The following FHAD1 variants were observed in gnomAD, a reference collection of about 807,000 sequenced individuals.
FHAD1 encodes the protein forkhead-associated domain-containing protein 1.
A neutral mutation model predicts 191.3 loss-of-function variants in FHAD1; 146 were observed. The ratio of observed to expected loss-of-function variants is 0.76; its 90% CI spans 0.67 to 0.88. FHAD1 has a LOEUF of 0.88. Among genes scored for constraint, FHAD1 ranks in the 40% least tolerant of loss-of-function variants. FHAD1 has a pLI of 0.00. For missense variants in FHAD1, 1,635 were observed against 1,785.8 expected, an observed-to-expected ratio of 0.92 and a Z score of 1.52; for synonymous variants, 616 against 672.3, an observed-to-expected ratio of 0.92 and a Z score of 1.29.
At chr1:15,291,108 T>C (rs1444648856) in intron 4 of FHAD1, among the ~76,000 whole-genome samples, 1 of 133,176 alleles carries the variant, frequency 7.5e-6, no homozygotes, top group East Asian at 2.1e-4. Context: ...TTTACTATAC[T>C]CTTTTTTTTT....
In FHAD1 at chr1:15,276,295, G is replaced by A. The variant is rs997036303; in HGVS notation, c.300+3766G>A. On this transcript the variant is annotated intron_variant, in intron 3 of 33. Coordinates refer to ENST00000688493, the MANE Select transcript of FHAD1 (RefSeq NM_001391957.1). The surrounding 1 kb of genome is among the most constrained non-coding windows in gnomAD (Gnocchi z 4.7). ...GATAGCAGGAAGGTAAGAGGAGCACGCTAGCAGCCACCTGCCTCCACTGTG... is the reference window on the plus strand; with the variant it reads ...GATAGCAGGAAGGTAAGAGGAGCACACTAGCAGCCACCTGCCTCCACTGTG... Among the ~76,000 whole-genome samples the A allele has an allele frequency of 6.6e-6, 1 of 152,194 alleles. No individual in the cohort carries two copies. The highest frequency in any genetic ancestry group is 1.9e-4 in the East Asian group (1 of 5,190).
intron 17 of FHAD1, 108 bp downstream of exon 17, chr1:15,345,298 G>A: frequency 7.5e-7 from 1 of 1,333,734 alleles, no homozygotes; most frequent in East Asian, 2.5e-5. Flanking sequence ...GGGCTGTGCT[G>A]TCCACAGTCC....
intron 1 of FHAD1, among the ~76,000 whole-genome samples, chr1:15,242,114 T>C (rs1645450310): frequency 6.6e-6 from 1 of 151,126 alleles, no homozygotes. Flanking sequence ...GTGGCTGTAG[T>C]CCCAGCTACT....
At chr1:15,345,604 G>A (rs1418796196) in intron 18 of FHAD1, 81 bp downstream of exon 18, 1 of 1,131,166 alleles carries the variant, frequency 8.8e-7, no homozygotes, top group African/African-American at 1.5e-5. Flanking sequence ...GGCGATGATG[G>A]GGGTGAGATC....
upstream of FHAD1, among the ~76,000 whole-genome samples, chr1:15,246,333 C>T (rs1426948504): frequency 6.6e-6 from 1 of 152,134 alleles, no homozygotes; most frequent in Non-Finnish European, 1.5e-5. Flanking sequence ...ACAGCCAAAC[C>T]GTATCACTAG....
chr1:15,347,837 A>C (rs1013529957), intron 18 of FHAD1, among the ~76,000 whole-genome samples: 1 of 152,244 alleles, frequency 6.6e-6, no homozygotes, highest in African/African-American at 2.4e-5. Context: ...TCTTGAGGTC[A>C]TGTTCAAAGT....
Position 15,381,469 on chromosome 1 carries a change from T to C in FHAD1, c.4022+18T>C, listed in dbSNP as rs924015001. On this transcript the variant is annotated intron_variant, in intron 30 of 33. Transcript: ENST00000688493. This position sits in a 1 kb window ranked among gnomAD's most constrained non-coding sequence, Gnocchi z 4.6. ...CAGCTCAGGTACCTCGGCACCCCCATGTCCCCACAGAAAGGCCCGGGCCTC... is the reference window on the plus strand; with the variant it reads ...CAGCTCAGGTACCTCGGCACCCCCACGTCCCCACAGAAAGGCCCGGGCCTC... 24 of 1,542,782 alleles carry C rather than the reference T, an allele frequency of 1.6e-5. No homozygotes were observed. Among genetic ancestry groups the C allele is most frequent in the Non-Finnish European group, 2.1e-5 (24 of 1,140,028 alleles).
At chr1:15,341,656 C>A (rs1686727231) in intron 15 of FHAD1, 80 bp from the exon 16 acceptor site, 6 of 1,256,428 alleles carry the variant, frequency 4.8e-6, no homozygotes, top group Non-Finnish European at 6.5e-6. Context: ...GAAAGGTAAA[C>A]AATTGGTAAA....
chr1:15,297,075 A>G (rs1667213100), intron 5 of FHAD1, among the ~76,000 whole-genome samples: 1 of 152,244 alleles, frequency 6.6e-6, no homozygotes, highest in Non-Finnish European at 1.5e-5. Context: ...TTAAATCACC[A>G]TCACTTAACA....
chr1:15,359,637 C>G (rs1694024160), intron 21 of FHAD1, among the ~76,000 whole-genome samples: 1 of 151,778 alleles, frequency 6.6e-6, no homozygotes, highest in Non-Finnish European at 1.5e-5. Context: ...CATCTGAGGT[C>G]AAGAGTTTGA....
In FHAD1 at chr1:15,374,603, T is replaced by A; in HGVS notation, c.3549T>A (p.Ile1183=). Residue 1183 remains isoleucine, a synonymous_variant, in exon 27 of 34, where the codon ATT becomes ATA. Transcript: ENST00000688493. ...KKALSELRAR[I]KELEKARSPD... is the part of the protein sequence containing the mutation. ...CCTTATCTGAACTTCGAGCGCGAAT[T>A]AAAGAACTCGAGAAGGCGCGCTCAC... The A allele has an allele frequency of 6.4e-7, 1 of 1,551,628 alleles. No homozygotes were observed. The highest frequency in any genetic ancestry group is 8.7e-7 in the Non-Finnish European group (1 of 1,146,978).
intron 3 of FHAD1, among the ~76,000 whole-genome samples, chr1:15,275,184 G>T (rs10927760): frequency 9.8e-4 from 149 of 152,110 alleles, no homozygotes; most frequent in African/African-American, 3.5e-3. Flanking sequence ...GGATGGTCTC[G>T]ATCTCCTGAC....
At chr1:15,320,478 G>A (rs1309721877) in intron 10 of FHAD1, among the ~76,000 whole-genome samples, 2 of 152,086 alleles carry the variant, frequency 1.3e-5, no homozygotes, top group Non-Finnish European at 2.9e-5. Flanking sequence ...TTGTGGATTT[G>A]TCTGTTTCTT....
At chr1:15,244,565 C>T (rs754832575), upstream of FHAD1, among the ~76,000 whole-genome samples, 5 of 152,032 alleles carry the variant, frequency 3.3e-5, no homozygotes, top group South Asian at 2.1e-4. This position sits in a 1 kb window ranked among gnomAD's most constrained non-coding sequence, Gnocchi z 5.1. Flanking sequence ...CTAGAGAAGC[C>T]GACATCCTGG....
At position 15,329,877 on chromosome 1, in the gene FHAD1, T is replaced by G. The variant is rs1373282053; in HGVS notation, c.1906+336T>G. 4 of 290,028 alleles carry G rather than the reference T, an allele frequency of 1.4e-5. No individual in the cohort carries two copies. Among genetic ancestry groups the G allele is most frequent in the African/African-American group, 8.5e-5 (4 of 46,926 alleles). 18.0% of individuals were successfully genotyped at this position (290,028 alleles called of 1,614,324 possible). A position where few individuals can be genotyped will look rare whatever the true frequency, so the allele number is the denominator to read the frequency against. On this transcript the variant is annotated intron_variant, in intron 14 of 33. Transcript: ENST00000688493. The surrounding 1 kb of genome is among the most constrained non-coding windows in gnomAD (Gnocchi z 5.0). Reference sequence around the variant, plus strand: ...GTGATTCCAGGCAAGTGACTTACCCTGTCTATGCCTCAGTTTCCCTATCTG... The same window carrying G: ...GTGATTCCAGGCAAGTGACTTACCCGGTCTATGCCTCAGTTTCCCTATCTG...
At chr1:15,320,876 A>G (rs1676017522) in intron 10 of FHAD1, among the ~76,000 whole-genome samples, 1 of 152,114 alleles carries the variant, frequency 6.6e-6, no homozygotes, top group Non-Finnish European at 1.5e-5. Flanking sequence ...CAGGTGTACT[A>G]CCTATGTTCC....
At chr1:15,241,057 G>A (rs1645308111) in intron 1 of FHAD1, among the ~76,000 whole-genome samples, 2 of 152,004 alleles carry the variant, frequency 1.3e-5, no homozygotes, top group Admixed American at 1.3e-4. Flanking sequence ...CTCCTTGATT[G>A]CAGCCTGTGA....
At chr1:15,278,000 C>T (rs76841292) in intron 3 of FHAD1, among the ~76,000 whole-genome samples, 2,706 of 152,142 alleles carry the variant, frequency 0.018, 62 homozygotes, top group East Asian at 0.052. Context: ...ACACATTTTT[C>T]GGGGTTATAG....
rs1214157655 is a variant in FHAD1 at position 15,312,731 on chromosome 1, C to T, written c.1040-326C>T. Reference sequence around the variant, plus strand: ...AAACTCAGATGAGTGTGAATCAACACGTCCCTTGCTGCCACAGGCCCATGT... The same window carrying T: ...AAACTCAGATGAGTGTGAATCAACATGTCCCTTGCTGCCACAGGCCCATGT... On this transcript the variant is annotated intron_variant, in intron 7 of 33. Coordinates refer to ENST00000688493, the MANE Select transcript of FHAD1 (RefSeq NM_001391957.1). This position sits in a 1 kb window ranked among gnomAD's most constrained non-coding sequence, Gnocchi z 4.7. Among the ~76,000 whole-genome samples the T allele has an allele frequency of 8.5e-5, 13 of 152,196 alleles. No homozygotes were observed. The highest frequency in any genetic ancestry group is 5.9e-5 in the Non-Finnish European group (4 of 68,042).
Sources: allele counts gnomAD v4.1 joint callset (sites outside exome capture counted in the v4.1 genomes callset), GRCh38; gene constraint gnomAD v4.1.1; non-coding constraint Gnocchi (gnomAD v3.1); transcripts MANE v1.5; gene names NCBI Gene and HGNC (gene_info 2026-07-23, HGNC 2026-07-21).